Variants in CLSTN2 observed in about 807,000 individuals in gnomAD.
CLSTN2 encodes the protein calsyntenin 2, also known as calsyntenin-2.
A neutral mutation model predicts 101.2 loss-of-function variants in CLSTN2; 48 were observed. The observed-to-expected ratio is 0.47, with a 90% CI of 0.38 to 0.60. The LOEUF (loss-of-function observed/expected upper bound fraction) is 0.60, where lower values mean the gene tolerates loss of function less well. CLSTN2 is among the 20% of genes least tolerant of loss of function. The probability of loss-of-function intolerance (pLI) is 0.00; values close to 1 mark genes in which losing one functional copy is unlikely to be tolerated. For synonymous variants in CLSTN2, 481 were observed against 463.6 expected, an observed-to-expected ratio of 1.04 and a Z score of -0.48; for missense variants, 1,160 against 1,238.2, an observed-to-expected ratio of 0.94 and a Z score of 0.95.
chr3:140,063,120 A>C (rs2008234936), intron 1 of CLSTN2, among the ~76,000 whole-genome samples: 1 of 152,156 alleles, frequency 6.6e-6, no homozygotes, highest in South Asian at 2.1e-4. Flanking sequence ...CAACTATGTC[A>C]CATAAACACC....
chr3:140,314,478 C>T (rs1009231873), intron 2 of CLSTN2, among the ~76,000 whole-genome samples: 3 of 152,176 alleles, frequency 2.0e-5, no homozygotes, highest in Non-Finnish European at 4.4e-5. Context: ...CAAGATCCCA[C>T]CCATGTGCCA....
chr3:140,556,431 C>T, intron 10 of CLSTN2, 82 bp from the exon 11 acceptor site: 1 of 1,377,918 alleles, frequency 7.3e-7, no homozygotes, highest in South Asian at 1.2e-5. Flanking sequence ...CCCTTGGTGC[C>T]CTGTATGGAC....
chr3:140,488,998 A>T (rs1367999539), intron 8 of CLSTN2, among the ~76,000 whole-genome samples: 4 of 152,232 alleles, frequency 2.6e-5, no homozygotes. Context: ...GAAAACAATG[A>T]ATGTATAAGC....
intron 1 of CLSTN2, among the ~76,000 whole-genome samples, chr3:140,026,786 C>T (rs945162109): frequency 6.6e-6 from 1 of 152,124 alleles, no homozygotes; most frequent in African/African-American, 2.4e-5. Flanking sequence ...GAGGTGAGAC[C>T]CCCTACTTCC....
intron 1 of CLSTN2, among the ~76,000 whole-genome samples, chr3:140,166,733 A>T (rs1470195408): frequency 2.0e-5 from 3 of 152,166 alleles, no homozygotes; most frequent in Admixed American, 1.3e-4. Context: ...GAAATATCAC[A>T]CTGGTGTTTC....
intron 1 of CLSTN2, among the ~76,000 whole-genome samples, chr3:140,171,822 A>AACAATATATAATATAATATATATAT (rs1559797415): frequency 4.1e-5 from 4 of 97,048 alleles, no homozygotes; most frequent in Non-Finnish European, 8.1e-5. Context: ...ATTATATATT[A>AACAATATATAATATAATATATATAT]TATATAATAA....
chr3:140,557,853 C>A (rs765001740), intron 11 of CLSTN2, among the ~76,000 whole-genome samples: 2 of 152,166 alleles, frequency 1.3e-5, no homozygotes, highest in Non-Finnish European at 1.5e-5. Flanking sequence ...TGAGGTCTGA[C>A]GAGAAGTTCA....
At chr3:140,436,020 G>A (rs2088684399) in intron 5 of CLSTN2, among the ~76,000 whole-genome samples, 1 of 152,156 alleles carries the variant, frequency 6.6e-6, no homozygotes. Flanking sequence ...CATTCTGTGA[G>A]TTGTCTCTTC....
intron 10 of CLSTN2, among the ~76,000 whole-genome samples, chr3:140,547,104 G>A (rs557048097): frequency 2.8e-4 from 43 of 152,320 alleles, no homozygotes; most frequent in African/African-American, 8.7e-4. Context: ...AAAGGAAAGC[G>A]AAAACCTGGG....
chr3:140,309,178 G>A (rs992662683), intron 2 of CLSTN2, among the ~76,000 whole-genome samples: 5 of 152,150 alleles, frequency 3.3e-5, no homozygotes, highest in African/African-American at 1.2e-4. Flanking sequence ...CTTGACAAGT[G>A]AGACAAAGCA....
intron 1 of CLSTN2, among the ~76,000 whole-genome samples, chr3:139,957,161 G>A (rs1935420460): frequency 6.6e-6 from 1 of 152,192 alleles, no homozygotes; most frequent in South Asian, 2.1e-4. Flanking sequence ...TGCCTGCTCT[G>A]AGGAGGGGCC....
chr3:140,355,483 T>C (rs2087660383), intron 2 of CLSTN2, among the ~76,000 whole-genome samples: 1 of 152,166 alleles, frequency 6.6e-6, no homozygotes, highest in Admixed American at 6.5e-5. Context: ...AGTAAATACG[T>C]CAGTAGGTGG....
chr3:140,541,854 C>G (rs917045447), intron 9 of CLSTN2, among the ~76,000 whole-genome samples: 2 of 152,146 alleles, frequency 1.3e-5, no homozygotes, highest in Non-Finnish European at 2.9e-5. Context: ...CGCAGACCTC[C>G]TCCACCCTCC....
intron 2 of CLSTN2, among the ~76,000 whole-genome samples, chr3:140,256,921 C>G (rs2086608755): frequency 6.6e-6 from 1 of 152,128 alleles, no homozygotes; most frequent in Admixed American, 6.5e-5. Flanking sequence ...CTTGTTTGCT[C>G]TATGCTAACT....
chr3:140,547,075 C>G (rs1401432513), intron 10 of CLSTN2, among the ~76,000 whole-genome samples: 1 of 152,190 alleles, frequency 6.6e-6, no homozygotes, highest in East Asian at 1.9e-4. Flanking sequence ...AACTTAGGAC[C>G]TTGTGAAATA....
At chr3:140,473,227 A>G (rs1273189990) in intron 8 of CLSTN2, among the ~76,000 whole-genome samples, 1 of 152,126 alleles carries the variant, frequency 6.6e-6, no homozygotes, top group Non-Finnish European at 1.5e-5. Context: ...GCTTTTCATC[A>G]TGCCTCAGAT....
chr3:140,148,316 C>T (rs1249246953), intron 1 of CLSTN2, among the ~76,000 whole-genome samples: 1 of 152,166 alleles, frequency 6.6e-6, no homozygotes, highest in African/African-American at 2.4e-5. Flanking sequence ...GTGGACCTCC[C>T]CTTTCTCCCT....
chr3:140,560,980 ATTAT>A (rs1041683188), intron 12 of CLSTN2, among the ~76,000 whole-genome samples: 9 of 151,822 alleles, frequency 5.9e-5, no homozygotes, highest in Admixed American at 3.9e-4. Context: ...AGATAAAGAA[ATTAT>A]TTATAATAAT....
At chr3:140,536,420 T>C (rs1935360233) in intron 9 of CLSTN2, among the ~76,000 whole-genome samples, 1 of 152,192 alleles carries the variant, frequency 6.6e-6, no homozygotes, top group Non-Finnish European at 1.5e-5. Flanking sequence ...GACCATAGCA[T>C]GATCTAGTTT....
Sources: gnomAD v4.1 joint callset for allele counts (sites outside exome capture counted in the v4.1 genomes callset) on GRCh38, gnomAD v4.1.1 for gene constraint, MANE v1.5 for transcripts, NCBI Gene and HGNC (gene_info 2026-07-23, HGNC 2026-07-21) for gene names.